The following LILRB5 variants were observed in gnomAD, a reference collection of about 807,000 sequenced individuals.
The protein encoded by LILRB5 is leukocyte immunoglobulin-like receptor subfamily B member 5.
Under a neutral mutation model 68.4 loss-of-function variants are expected in LILRB5, and 61 were observed. The ratio of observed to expected loss-of-function variants is 0.89; its 90% CI spans 0.73 to 1.10. The LOEUF (loss-of-function observed/expected upper bound fraction) is 1.10. Among genes scored for constraint, LILRB5 ranks in the 50% least tolerant of loss-of-function variants. The pLI, the probability that LILRB5 is intolerant of heterozygous loss-of-function variation, is 0.00. For missense variants in LILRB5, 771 were observed against 751.6 expected (o/e 1.03, Z -0.30); for synonymous variants, 356 against 315.8 (o/e 1.13, Z -1.35).
rs150939130 is a variant in LILRB5 at position 54,255,551 on chromosome 19, C to T, written c.687G>A (p.Pro229=). The T allele has an allele frequency of 2.6e-5, 42 of 1,613,674 alleles. No homozygotes were observed. In the South Asian group the frequency reaches 2.9e-4, roughly 11 times the overall value. The change falls in exon 5 of 13, where the codon CCG becomes CCA. Residue 229 remains proline (P), a synonymous_variant. Coordinates refer to ENST00000449561, the MANE Select transcript of LILRB5 (RefSeq NM_001081442.3). ...CTCCGCGGGCCACGACAGAGCCCTG[C>T]GGGATCAGGAGGGAGGGCTTCCTAG... ...GVSRKPSLLI[P]QGSVVARGGS...
intron 7 of LILRB5, 73 bp downstream of exon 7, chr19:54,254,292 A>G: frequency 6.6e-7 from 1 of 1,511,330 alleles, no homozygotes; most frequent in Non-Finnish European, 8.9e-7. Context: ...GGGGAATAGG[A>G]TCCTCGGGGA....
intron 1 of LILRB5, 61 bp from the exon 2 acceptor site, chr19:54,257,057 C>T: frequency 6.2e-7 from 1 of 1,614,096 alleles, no homozygotes; most frequent in Non-Finnish European, 8.5e-7. Context: ...CCTCTCCTCC[C>T]TCGGAGCCTC....
intron 4 of LILRB5, 105 bp downstream of exon 4, chr19:54,255,938 C>A: frequency 1.0e-6 from 1 of 971,900 alleles, no homozygotes; most frequent in Non-Finnish European, 1.5e-6. Flanking sequence ...GCCCATCCAT[C>A]AACACATCCT....
In LILRB5 at chr19:54,255,343, G is replaced by A. The variant is rs755832684; in HGVS notation, c.895C>T (p.His299Tyr). 70 of 1,613,882 alleles carry A rather than the reference G, an allele frequency of 4.3e-5. No homozygotes were observed. Among genetic ancestry groups the A allele is most frequent in the African/African-American group, 3.7e-4 (28 of 74,918 alleles). Residue 299 changes from histidine (H) to tyrosine (Y), a missense_variant, in exon 5 of 13, where the codon CAC becomes TAC. Physicochemically the swap from His to Tyr is moderately conservative, Grantham distance 83 (BLOSUM62 2). Coordinates refer to ENST00000449561, the MANE Select transcript of LILRB5 (RefSeq NM_001081442.3). ...GCCGACCACCTAGGGGAGAGGTTGT[G>A]TGCACCGTAGCATCTGTACTGGCCC... ...HGGQYRCYGA[H>Y]NLSPRWSAPS...
chr19:54,250,499 T>C lies in LILRB5; in HGVS notation c.*287A>G, dbSNP rs1470945286. The C allele has an allele frequency of 2.0e-5, 9 of 444,384 alleles. No homozygotes were observed. Among genetic ancestry groups the C allele is most frequent in the Admixed American group, 3.9e-5 (1 of 25,746 alleles). The allele number at this position is 444,384 out of a possible 1,614,324, so 27.5% of individuals were successfully genotyped here. A position where few individuals can be genotyped will look rare whatever the true frequency, so the allele number is the denominator to read the frequency against. On this transcript the variant is annotated 3_prime_UTR_variant, in exon 13 of 13. Transcript: ENST00000449561. ...TCCGATTTCATCATTTAATGTGTAA[T>C]ATTTACATTATCATTCCAAATTTAT...
chr19:54,252,739 C>A (rs2079001088), intron 9 of LILRB5, 132 bp downstream of exon 9: 1 of 1,043,096 alleles, frequency 9.6e-7, no homozygotes, highest in Non-Finnish European at 1.4e-6. Flanking sequence ...TCTTCTTTCT[C>A]GATCGATTTT....
rs145597773 is a variant in LILRB5 at position 54,255,532 on chromosome 19, G to A, written c.706C>T (p.Arg236Cys). 122 of 1,613,822 alleles carry A rather than the reference G, an allele frequency of 7.6e-5. No individual in the cohort carries two copies. Among genetic ancestry groups the A allele is most frequent in the East Asian group, 2.0e-4 (9 of 44,882 alleles). The change falls in exon 5 of 13, where the codon CGC becomes TGC. Residue 236 changes from arginine (R) to cysteine (C), a missense_variant. By Grantham distance (180) the Arg-to-Cys change is radical (BLOSUM62 -3). Coordinates refer to ENST00000449561, the MANE Select transcript of LILRB5 (RefSeq NM_001081442.3). ...LLIPQGSVVA[R>C]GGSLTLQCRS... ...CACTGCAGGGTCAGGCTGCCTCCGCGGGCCACGACAGAGCCCTGCGGGATC... is the reference window on the plus strand; with the variant it reads ...CACTGCAGGGTCAGGCTGCCTCCGCAGGCCACGACAGAGCCCTGCGGGATC...
rs1446452355 is a variant in LILRB5 at position 54,250,680 on chromosome 19, G to A, written c.*106C>T. The A allele has an allele frequency of 5.6e-6, 8 of 1,440,978 alleles. No individual in the cohort carries two copies. Among genetic ancestry groups the A allele is most frequent in the South Asian group, 1.3e-5 (1 of 79,240 alleles). 89.3% of individuals were successfully genotyped at this position (1,440,978 alleles called of 1,614,324 possible). The stretch of plus-strand genomic sequence containing the variant: ...GATGTCCTGGTGGTCTTTGTTAGGG[G>A]TCCAGGCTGGCTGGGGTTCATTGGT... On this transcript the variant is annotated 3_prime_UTR_variant, in exon 13 of 13. Transcript: ENST00000449561.
rs761986551 is a variant in LILRB5, at chr19:54,250,842, G to A, written c.1720C>T (p.Gln574Ter). Reference sequence around the variant, plus strand: ...GGTTCAGCTGGAGGTTCCCTTTCCTGGGATGGAGGAGGCTCAGTTGCCTCC... The same window carrying A: ...GGTTCAGCTGGAGGTTCCCTTTCCTAGGATGGAGGAGGCTCAGTTGCCTCC... ...RREATEPPPS[Q>*]EREPPAEPSI... Residue 574 changes from glutamine (Q) to a stop codon, truncating the protein, a stop_gained, in exon 13 of 13, where the codon CAG becomes TAG. Coordinates refer to ENST00000449561, the MANE Select transcript of LILRB5 (RefSeq NM_001081442.3). LOFTEE classifies it low-confidence loss of function (END_TRUNC). The A allele has an allele frequency of 2.4e-5, 38 of 1,614,046 alleles. No homozygotes were observed. Among genetic ancestry groups the A allele is most frequent in the Middle Eastern group, 1.6e-4 (1 of 6,062 alleles).
chr19:54,250,940 G>A lies in LILRB5; in HGVS notation c.1630-8C>T, dbSNP rs755886776. 29 of 1,600,368 alleles carry A rather than the reference G, an allele frequency of 1.8e-5. No homozygotes were observed. Among genetic ancestry groups the A allele is most frequent in the South Asian group, 1.2e-4 (11 of 90,336 alleles). On this transcript the variant is annotated splice_polypyrimidine_tract_variant and splice_region_variant and intron_variant, in intron 12 of 12. Transcript: ENST00000449561. Reference sequence around the variant, plus strand: ...GGCTTCAGATGCAGCAGCCTGCAGCGGGGGAGAGTGAGAGGGAAGGAACGT... The same window carrying A: ...GGCTTCAGATGCAGCAGCCTGCAGCAGGGGAGAGTGAGAGGGAAGGAACGT...
chr19:54,252,343 G>T, intron 11 of LILRB5, 23 bp downstream of exon 11: 1 of 1,613,220 alleles, frequency 6.2e-7, no homozygotes, highest in Non-Finnish European at 8.5e-7. Flanking sequence ...CACCCCAGGT[G>T]CCCTCCGCTT....
chr19:54,250,748 C>G lies in LILRB5; in HGVS notation c.*38G>C, dbSNP rs935734247. 2 of 1,613,226 alleles carry G rather than the reference C, an allele frequency of 1.2e-6. No individual in the cohort carries two copies. Among genetic ancestry groups the G allele is most frequent in the Admixed American group, 3.3e-5 (2 of 59,960 alleles). On this transcript the variant is annotated 3_prime_UTR_variant, in exon 13 of 13. Coordinates refer to ENST00000449561, the MANE Select transcript of LILRB5 (RefSeq NM_001081442.3). ...CCTGTGCCTTCTGGAGTCTCTGAGT[C>G]TCCTTCTGTTGAGTATGAGATCTGG...
At position 54,249,503 on chromosome 19, in the gene LILRB5, T is replaced by A. The variant is rs1024212259; in HGVS notation, c.*1283A>T. 8 of 152,150 alleles carry A rather than the reference T, an allele frequency of 5.3e-5. No homozygotes were observed. The highest frequency in any genetic ancestry group is 8.8e-5 in the Non-Finnish European group (6 of 68,016). 9.4% of individuals were successfully genotyped at this position (152,150 alleles called of 1,614,324 possible). On this transcript the variant is annotated 3_prime_UTR_variant, in exon 13 of 13. Transcript: ENST00000449561. Reference sequence around the variant, plus strand: ...AGGACAAGACACAGTGAAGCACCAATTATGAAATTAGAAAACAAAACAGAA... The same window carrying A: ...AGGACAAGACACAGTGAAGCACCAAATATGAAATTAGAAAACAAAACAGAA...
In LILRB5 at chr19:54,252,369, G is replaced by A; in HGVS notation, c.1573C>T (p.Leu525Phe). 1 of 1,614,040 alleles carries A rather than the reference G, an allele frequency of 6.2e-7. No individual in the cohort carries two copies. Among genetic ancestry groups the A allele is most frequent in the Non-Finnish European group, 8.5e-7 (1 of 1,179,982 alleles). Reference protein sequence around the residue: ...SPVADIQEEILNAAVKDTQPK... With the variant: ...SPVADIQEEIFNAAVKDTQPK... ...CCCTCCGCTTCTAGTCACTCACTGA[G>A]AATTTCCTCCTGGATGTCAGCAACT... Residue 525 changes from leucine (L) to phenylalanine (F), a missense_variant, in exon 11 of 13, where the codon CTC becomes TTC. By Grantham distance (22) the Leu-to-Phe change is conservative. Coordinates refer to ENST00000449561, the MANE Select transcript of LILRB5 (RefSeq NM_001081442.3).
In LILRB5 at chr19:54,250,589, AT is replaced by A; in HGVS notation, c.*196del. ...GATTTATTGAGAAGTCTGTGGCTTC[AT>A]TTCAAAAATGCAAGGATATTAGTCA... On this transcript the variant is annotated 3_prime_UTR_variant, in exon 13 of 13. Coordinates refer to ENST00000449561, the MANE Select transcript of LILRB5 (RefSeq NM_001081442.3). The A allele has an allele frequency of 1.6e-6, 1 of 624,120 alleles. No homozygotes were observed. The highest frequency in any genetic ancestry group is 2.3e-5 in the South Asian group (1 of 43,376). The allele number at this position is 624,120 out of a possible 1,614,324, so 38.7% of individuals were successfully genotyped here.
At chr19:54,253,632 A>T in intron 8 of LILRB5, 1 of 550,744 alleles carries the variant, frequency 1.8e-6, no homozygotes, top group South Asian at 2.0e-5. Context: ...GCTGAAACTG[A>T]GTCAGAGTAG....
At chr19:54,252,770 C>A in intron 9 of LILRB5, 101 bp downstream of exon 9, 1 of 1,185,704 alleles carries the variant, frequency 8.4e-7, no homozygotes, top group Middle Eastern at 2.0e-4. Context: ...ATTTCTGGAG[C>A]AGTTTTTCTA....
In LILRB5 at chr19:54,255,590, G is replaced by A. The variant is rs1221470525; in HGVS notation, c.656-8C>T. On this transcript the variant is annotated splice_region_variant and splice_polypyrimidine_tract_variant and intron_variant, in intron 4 of 12. Coordinates refer to ENST00000449561, the MANE Select transcript of LILRB5 (RefSeq NM_001081442.3). ...AGGGCTTCCTAGACACGCCTGGAGG[G>A]AAAGAGGAATTGGGACTTGGAAGGC... 1.2e-6 allele frequency: 2 copies of A among 1,610,876 alleles called. No individual in the cohort carries two copies. The highest frequency in any genetic ancestry group is 2.2e-5 in the East Asian group (1 of 44,832).
In LILRB5 at chr19:54,255,486, TCATAGC is replaced by T. The variant is rs1569060244; in HGVS notation, c.746_751del (p.Gly249_Tyr250del). On this transcript the variant is annotated inframe_deletion, in exon 5 of 13. Transcript: ENST00000449561. ...CCCCTCCTTGTACAGAACGAATATG[TCATAGC>T]CGACATCAGAGCGACACTGCAGGGT... is the stretch of plus-strand genomic sequence containing the variant. 1.2e-6 allele frequency: 2 copies of T among 1,613,844 alleles called. No homozygotes were observed. The highest frequency in any genetic ancestry group is 1.7e-6 in the Non-Finnish European group (2 of 1,179,972).
Sources: allele counts gnomAD v4.1 joint callset, GRCh38; gene constraint gnomAD v4.1.1; transcripts MANE v1.5; gene names NCBI Gene and HGNC (gene_info 2026-07-23, HGNC 2026-07-21).